IL1RAPL2: variants seen among roughly 807,000 people sequenced by gnomAD.
IL1RAPL2 encodes the protein interleukin 1 receptor accessory protein like 2, also known as X-linked interleukin-1 receptor accessory protein-like 2.
Under a neutral mutation model 44.1 loss-of-function variants are expected in IL1RAPL2, and 3 were observed. The observed-to-expected ratio is 0.07, with a 90% CI of 0.03 to 0.18. The LOEUF (loss-of-function observed/expected upper bound fraction) is 0.18. Ranked by LOEUF, IL1RAPL2 falls within the 10% of genes least tolerant of loss-of-function variation. The pLI, the probability that IL1RAPL2 is intolerant of heterozygous loss-of-function variation, is 1.00. For missense variants in IL1RAPL2, 391 were observed against 496.4 expected, an observed-to-expected ratio of 0.79 and a Z score of 2.02; for synonymous variants, 181 against 178.8, an observed-to-expected ratio of 1.01 and a Z score of -0.10.
intron 2 of IL1RAPL2, among the ~76,000 whole-genome samples, chrX:104,662,049 C>T (rs949372646): frequency 2.1e-4 from 23 of 112,109 alleles, no homozygotes; most frequent in African/African-American, 7.1e-4. Flanking sequence ...GAGAGAGGAC[C>T]AAGGGTGGAA....
At chrX:105,088,659 TG>T (rs1309315577) in intron 2 of IL1RAPL2, among the ~76,000 whole-genome samples, 14 of 111,616 alleles carry the variant, frequency 1.3e-4, no homozygotes, top group Non-Finnish European at 2.6e-4. Context: ...CTACACATGA[TG>T]TTGGGATTAG....
chrX:104,683,417 G>A, intron 2 of IL1RAPL2, among the ~76,000 whole-genome samples: 1 of 111,687 alleles, frequency 9.0e-6, no homozygotes, highest in Non-Finnish European at 1.9e-5. Flanking sequence ...GCATTCCTAG[G>A]GGTTCATTGG....
intron 1 of IL1RAPL2, among the ~76,000 whole-genome samples, chrX:104,653,768 A>C (rs1930197992): frequency 9.0e-6 from 1 of 111,326 alleles, no homozygotes; most frequent in African/African-American, 3.3e-5. Flanking sequence ...TTAGGTACGA[A>C]CTAATTATTT....
At chrX:104,689,329 C>T (rs1239030457) in intron 2 of IL1RAPL2, among the ~76,000 whole-genome samples, 1 of 111,315 alleles carries the variant, frequency 9.0e-6, no homozygotes, top group African/African-American at 3.3e-5. Context: ...CCAAATGAGG[C>T]ACATGCTTAC....
At chrX:105,750,321 T>A (rs2038585726) in intron 9 of IL1RAPL2, among the ~76,000 whole-genome samples, 1 of 98,613 alleles carries the variant, frequency 1.0e-5, no homozygotes, top group Admixed American at 1.1e-4. Flanking sequence ...TCACCCAGGC[T>A]GGAGTGCAGT....
chrX:105,316,667 A>G (rs921037646), intron 5 of IL1RAPL2, among the ~76,000 whole-genome samples: 16 of 112,119 alleles, frequency 1.4e-4, no homozygotes, highest in African/African-American at 4.2e-4. Flanking sequence ...AGAAAGTTCA[A>G]CTTCATCCAT....
chrX:104,595,124 G>T (rs1416883795), intron 1 of IL1RAPL2, among the ~76,000 whole-genome samples: 1 of 111,839 alleles, frequency 8.9e-6, no homozygotes, highest in Non-Finnish European at 1.9e-5. Context: ...CAGCAGTATG[G>T]ACCTGCTGCA....
chrX:105,242,083 T>C (rs1473710168), intron 4 of IL1RAPL2, among the ~76,000 whole-genome samples: 2 of 111,879 alleles, frequency 1.8e-5, no homozygotes. Flanking sequence ...AAAGTCCAAC[T>C]CTTTCCATCA....
intron 2 of IL1RAPL2, among the ~76,000 whole-genome samples, chrX:104,952,744 A>G (rs1925618497): frequency 8.9e-6 from 1 of 112,026 alleles, no homozygotes; most frequent in African/African-American, 3.2e-5. Context: ...AAAAAGAAAG[A>G]TGCTAAGTCC....
chrX:105,570,441 C>A (rs1168060269), intron 6 of IL1RAPL2, among the ~76,000 whole-genome samples: 3 of 111,913 alleles, frequency 2.7e-5, no homozygotes, highest in African/African-American at 9.7e-5. Flanking sequence ...ATAATGACTT[C>A]TTTTCCTTTG....
intron 6 of IL1RAPL2, among the ~76,000 whole-genome samples, chrX:105,603,914 A>C (rs1022780849): frequency 8.9e-6 from 1 of 111,759 alleles, no homozygotes; most frequent in African/African-American, 3.2e-5. Context: ...ACTTAACAAC[A>C]TTGAGTCAAT....
At chrX:104,895,261 G>A (rs1033028493) in intron 2 of IL1RAPL2, among the ~76,000 whole-genome samples, 4 of 112,356 alleles carry the variant, frequency 3.6e-5, no homozygotes, top group African/African-American at 1.3e-4. Flanking sequence ...CAGTCTGTCC[G>A]TTCTCAGTTC....
In IL1RAPL2 at chrX:105,606,146, T is replaced by TA. The variant is rs199887491; in HGVS notation, c.773-111221_773-111220insA. 6.7e-3 allele frequency among the ~76,000 whole-genome samples: 743 copies of TA among 111,605 alleles called. 3 individuals carry two copies. The highest frequency in any genetic ancestry group is 0.038 in the South Asian group (101 of 2,693). ...AACTTGCAAAATGGGGAGAAATATT[T>TA]GCACACCATTAACCTGACAAGTAAT... On this transcript the variant is annotated intron_variant, in intron 6 of 10. Transcript: ENST00000372582.
At chrX:105,477,107 T>C (rs965311296) in intron 5 of IL1RAPL2, among the ~76,000 whole-genome samples, 2 of 112,006 alleles carry the variant, frequency 1.8e-5, no homozygotes, top group African/African-American at 3.2e-5. Flanking sequence ...GTCACAACTT[T>C]GTGTGCCTAA....
intron 5 of IL1RAPL2, among the ~76,000 whole-genome samples, chrX:105,295,129 G>A (rs2034644969): frequency 1.8e-5 from 2 of 111,743 alleles, no homozygotes; most frequent in Middle Eastern, 4.6e-3. Flanking sequence ...AGATTGGATA[G>A]GAAGGGTGAA....
chrX:104,978,399 A>G (rs1287519582), intron 2 of IL1RAPL2, among the ~76,000 whole-genome samples: 1 of 111,625 alleles, frequency 9.0e-6, no homozygotes, highest in African/African-American at 3.3e-5. Context: ...GTCTTCTTCA[A>G]TGTCTAAAAT....
At chrX:105,142,227 C>T (rs975480754) in intron 2 of IL1RAPL2, among the ~76,000 whole-genome samples, 2 of 111,884 alleles carry the variant, frequency 1.8e-5, no homozygotes, top group Admixed American at 1.9e-4. Context: ...AACACTTTTG[C>T]GAAGAAAAAT....
At chrX:105,583,310 A>AT (rs1179596126) in intron 6 of IL1RAPL2, among the ~76,000 whole-genome samples, 1 of 109,544 alleles carries the variant, frequency 9.1e-6, no homozygotes, top group Non-Finnish European at 1.9e-5. Flanking sequence ...AATTTTTTGC[A>AT]TTTTTAGTAG....
chrX:104,905,727 T>C (rs1198384708), intron 2 of IL1RAPL2, among the ~76,000 whole-genome samples: 2 of 111,367 alleles, frequency 1.8e-5, no homozygotes, highest in Non-Finnish European at 3.8e-5. Context: ...TAGTTTGAAG[T>C]CAGGTAGTGT....
Sources: allele counts gnomAD v4.1 joint callset (sites outside exome capture counted in the v4.1 genomes callset), GRCh38; gene constraint gnomAD v4.1.1; transcripts MANE v1.5; gene names NCBI Gene and HGNC (gene_info 2026-07-23, HGNC 2026-07-21).